Variants in BTBD7 observed in about 807,000 individuals in gnomAD.
BTBD7 encodes BTB/POZ domain-containing protein 7.
BTBD7 carries 38 observed loss-of-function variants against 99.9 expected under a neutral mutation model. The ratio of observed to expected loss-of-function variants is 0.38; its 90% CI spans 0.29 to 0.50. BTBD7 has a LOEUF of 0.50. Among genes scored for constraint, BTBD7 ranks in the 20% least tolerant of loss-of-function variants. The probability of loss-of-function intolerance (pLI) is 0.93; values close to 1 mark genes in which losing one functional copy is unlikely to be tolerated. For missense variants in BTBD7, 1,170 were observed against 1,394.6 expected (o/e 0.84, Z 2.57); for synonymous variants, 520 against 511.4 (o/e 1.02, Z -0.23).
chr14:93,275,202 T>A (rs909469763), intron 3 of BTBD7, among the ~76,000 whole-genome samples: 1 of 152,196 alleles, frequency 6.6e-6, no homozygotes, highest in African/African-American at 2.4e-5. Flanking sequence ...TAGGGTCTAC[T>A]TGTTGCACTA....
intron 1 of BTBD7, among the ~76,000 whole-genome samples, chr14:93,324,406 A>G (rs1164702037): frequency 7.6e-6 from 1 of 130,858 alleles, no homozygotes; most frequent in Non-Finnish European, 1.6e-5. Context: ...TGGGTGACAG[A>G]GCGAGACCCT....
At chr14:93,332,195 C>G (rs1358649732) in intron 1 of BTBD7, 3 of 152,258 alleles carry the variant, frequency 2.0e-5, no homozygotes, top group Admixed American at 2.0e-4. Context: ...TTTTGCCATT[C>G]AAGTAGTCCA....
chr14:93,286,983 A>T (rs968068682), intron 3 of BTBD7, among the ~76,000 whole-genome samples: 102 of 136,270 alleles, frequency 7.5e-4, no homozygotes, highest in African/African-American at 3.4e-3. Flanking sequence ...CATGCCTGTA[A>T]TACCAGCACT....
At chr14:93,330,436 C>G (rs76789831) in intron 1 of BTBD7, among the ~76,000 whole-genome samples, 4,324 of 152,234 alleles carry the variant, frequency 0.028, 83 homozygotes, top group Non-Finnish European at 0.04. Flanking sequence ...TAGGCCAGCT[C>G]AAATCCGAAG....
chr14:93,302,898 A>G (rs2053021710), intron 1 of BTBD7, among the ~76,000 whole-genome samples: 1 of 151,464 alleles, frequency 6.6e-6, no homozygotes, highest in South Asian at 2.1e-4. Context: ...CTGTAGTCCC[A>G]GCTATTCAGG....
chr14:93,262,997 G>C (rs1370416605), intron 4 of BTBD7, among the ~76,000 whole-genome samples: 1 of 152,142 alleles, frequency 6.6e-6, no homozygotes, highest in African/African-American at 2.4e-5. Context: ...CACAGATGCT[G>C]AGTGTATTAT....
chr14:93,281,611 A>C (rs1388348123), intron 3 of BTBD7, among the ~76,000 whole-genome samples: 2 of 152,242 alleles, frequency 1.3e-5, no homozygotes, highest in Non-Finnish European at 2.9e-5. Flanking sequence ...ACTGACATAA[A>C]CATTTTCCCA....
chr14:93,326,901 G>A (rs1323085084), intron 1 of BTBD7, among the ~76,000 whole-genome samples: 6 of 152,138 alleles, frequency 3.9e-5, no homozygotes, highest in Non-Finnish European at 8.8e-5. Context: ...TTCTAGAGTG[G>A]TGAACTTTGA....
At chr14:93,287,717 C>T (rs1169285232) in intron 3 of BTBD7, 2 of 152,190 alleles carry the variant, frequency 1.3e-5, no homozygotes, top group African/African-American at 4.8e-5. Flanking sequence ...TTCACCCTCC[C>T]GGTCTGGGCT....
intron 1 of BTBD7, among the ~76,000 whole-genome samples, chr14:93,300,752 GTGTGTGTGTGTGTGTGTGTGTATATATA>G (rs1566857088): frequency 4.0e-4 from 30 of 74,170 alleles, no homozygotes; most frequent in East Asian, 1.0e-3. Context: ...GTGTGTGTGT[GTGTGTGTGTGTGTGTGTGTGTATATATA>G]TATATATTTT....
At position 93,290,235 on chromosome 14, in the gene BTBD7, C is replaced by T. The variant is rs150939923; in HGVS notation, c.1162+3623G>A. ...TTTTAATTTTTTTTTTTTTTTGAGACGCAGTCTCACTCCGTCGCCCAGGTT... is the reference window on the plus strand; with the variant it reads ...TTTTAATTTTTTTTTTTTTTTGAGATGCAGTCTCACTCCGTCGCCCAGGTT... On this transcript the variant is annotated intron_variant, in intron 3 of 10. Transcript: ENST00000334746. Among the ~76,000 whole-genome samples, 323 of 149,306 alleles carry T rather than the reference C, an allele frequency of 2.2e-3. 5 individuals are homozygous for T. In the East Asian group the frequency reaches 0.026, roughly 12 times the overall value.
chr14:93,240,718 T>G lies in BTBD7; in HGVS notation c.*1555A>C, dbSNP rs533952082. The G allele has an allele frequency of 6.6e-6, 1 of 152,596 alleles. No individual in the cohort carries two copies. Among genetic ancestry groups the G allele is most frequent in the African/African-American group, 2.4e-5 (1 of 41,446 alleles). 9.5% of individuals were successfully genotyped at this position (152,596 alleles called of 1,614,324 possible). Reference sequence around the variant, plus strand: ...ATTTAAAAACTCAAATACTCATATATTTACATTGGAGAGTAAGAAAAAAAA... The same window carrying G: ...ATTTAAAAACTCAAATACTCATATAGTTACATTGGAGAGTAAGAAAAAAAA... On this transcript the variant is annotated 3_prime_UTR_variant, in exon 11 of 11. Coordinates refer to ENST00000334746, the MANE Select transcript of BTBD7 (RefSeq NM_001002860.4).
chr14:93,272,755 A>G (rs1024248296), intron 3 of BTBD7, among the ~76,000 whole-genome samples: 1 of 152,248 alleles, frequency 6.6e-6, no homozygotes, highest in African/African-American at 2.4e-5. Context: ...AGACAAGTCA[A>G]CCTGCGCCTC....
intron 1 of BTBD7, among the ~76,000 whole-genome samples, chr14:93,313,714 AC>A (rs1337381326): frequency 2.6e-4 from 39 of 149,404 alleles, no homozygotes; most frequent in Admixed American, 1.3e-3. Flanking sequence ...ACACACACAC[AC>A]AATCACACAT....
At chr14:93,318,672 G>C (rs147466726) in intron 1 of BTBD7, among the ~76,000 whole-genome samples, 156 of 152,274 alleles carry the variant, frequency 1.0e-3, no homozygotes, top group African/African-American at 3.7e-3. Flanking sequence ...GTAGTGACCA[G>C]GATAGCCTGC....
chr14:93,329,426 G>C (rs562642308), intron 1 of BTBD7, among the ~76,000 whole-genome samples: 1 of 152,198 alleles, frequency 6.6e-6, no homozygotes, highest in South Asian at 2.1e-4. Flanking sequence ...TGCACTGCTG[G>C]TGGGGTTGTA....
At chr14:93,309,551 C>A (rs1175636164) in intron 1 of BTBD7, among the ~76,000 whole-genome samples, 1 of 151,786 alleles carries the variant, frequency 6.6e-6, no homozygotes, top group Non-Finnish European at 1.5e-5. Context: ...AGTGCTATAC[C>A]AACCTTTCTG....
At chr14:93,294,993 C>T (rs919093189) in intron 2 of BTBD7, 56 bp from the exon 3 acceptor site, 17 of 1,446,758 alleles carry the variant, frequency 1.2e-5, no homozygotes, top group Admixed American at 2.7e-5. Context: ...TCATTTTCAA[C>T]GTTTAACATT....
chr14:93,294,259 G>C lies in BTBD7; in HGVS notation c.761C>G (p.Ser254Cys). The C allele has an allele frequency of 6.2e-7, 1 of 1,613,816 alleles. No homozygotes were observed. Among genetic ancestry groups the C allele is most frequent in the Non-Finnish European group, 8.5e-7 (1 of 1,179,948 alleles). Reference protein sequence around the residue: ...MCYYDVVLSFSSDSELVEAFG... With the variant: ...MCYYDVVLSFCSDSELVEAFG... ...AGCTTCAACCAGTTCAGAGTCTGAA[G>C]AAAAACTAAGGACGACATCATAATA... is the stretch of plus-strand genomic sequence containing the variant. The change falls in exon 3 of 11, where the codon TCT becomes TGT. Residue 254 changes from serine to cysteine, a missense_variant. Transcript: ENST00000334746.
Sources: allele counts gnomAD v4.1 joint callset (sites outside exome capture counted in the v4.1 genomes callset), GRCh38; gene constraint gnomAD v4.1.1; transcripts MANE v1.5; gene names NCBI Gene and HGNC (gene_info 2026-07-23, HGNC 2026-07-21).